The following CRTAC1 variants were observed in gnomAD, a reference collection of about 807,000 sequenced individuals.
CRTAC1 encodes the protein cartilage acidic protein 1.
CRTAC1 carries 37 observed loss-of-function variants against 67.8 expected under a neutral mutation model. The ratio of observed to expected loss-of-function variants is 0.55; its 90% CI spans 0.42 to 0.72. The LOEUF is 0.72. CRTAC1 is among the 30% of genes least tolerant of loss of function. The pLI is 0.00. For missense variants in CRTAC1, 780 were observed against 931.6 expected (o/e 0.84, Z 2.12); for synonymous variants, 348 against 371.0 (o/e 0.94, Z 0.71).
chr10:97,930,213 C>T (rs2050983701), intron 3 of CRTAC1, among the ~76,000 whole-genome samples: 2 of 152,226 alleles, frequency 1.3e-5, no homozygotes, highest in South Asian at 4.1e-4. Context: ...ATCCCCCTCT[C>T]ATGTTATTAA....
At chr10:97,889,133 G>A (rs1402639793) in intron 11 of CRTAC1, among the ~76,000 whole-genome samples, 1 of 150,762 alleles carries the variant, frequency 6.6e-6, no homozygotes, top group African/African-American at 2.4e-5. Flanking sequence ...GGAGGGAAGG[G>A]GGGGAGGGGG....
intron 4 of CRTAC1, among the ~76,000 whole-genome samples, chr10:97,919,495 AG>A (rs1326977607): frequency 6.6e-6 from 1 of 152,302 alleles, no homozygotes; most frequent in East Asian, 1.9e-4. Flanking sequence ...AAGCTGGAGA[AG>A]GTGGTAAATT....
chr10:97,998,883 G>A (rs1415166313), intron 2 of CRTAC1, among the ~76,000 whole-genome samples: 1 of 152,160 alleles, frequency 6.6e-6, no homozygotes, highest in Admixed American at 6.5e-5. Context: ...ATAGAAGGGG[G>A]TTAAGATAAT....
At chr10:97,896,168 G>A (rs1234827662) in intron 9 of CRTAC1, among the ~76,000 whole-genome samples, 183 bp from the exon 10 acceptor site, 4 of 152,160 alleles carry the variant, frequency 2.6e-5, no homozygotes, top group Non-Finnish European at 5.9e-5. Context: ...CCTCATGATA[G>A]GACTCACGGG....
chr10:97,872,398 T>G (rs1210321290), intron 14 of CRTAC1, among the ~76,000 whole-genome samples: 1 of 152,162 alleles, frequency 6.6e-6, no homozygotes, highest in Non-Finnish European at 1.5e-5. Flanking sequence ...GCAGCAGCTC[T>G]CAGTGATGTT....
intron 11 of CRTAC1, among the ~76,000 whole-genome samples, chr10:97,891,980 C>T (rs1379644049): frequency 1.3e-5 from 2 of 152,212 alleles, no homozygotes; most frequent in African/African-American, 2.4e-5. Context: ...GAGGAGTCTG[C>T]CGGGAGGCCC....
At chr10:97,887,595 T>C (rs1242292530) in intron 11 of CRTAC1, among the ~76,000 whole-genome samples, 1 of 152,180 alleles carries the variant, frequency 6.6e-6, no homozygotes, top group African/African-American at 2.4e-5. Flanking sequence ...CCAGACGTGG[T>C]GCAGGGGGCC....
intron 3 of CRTAC1, among the ~76,000 whole-genome samples, chr10:97,926,854 C>T (rs1413398124): frequency 6.6e-6 from 1 of 152,206 alleles, no homozygotes; most frequent in Admixed American, 6.5e-5. Context: ...GCTATTGCTT[C>T]CAGATGCCTG....
intron 2 of CRTAC1, among the ~76,000 whole-genome samples, chr10:98,003,625 C>A (rs1053549750): frequency 6.6e-6 from 1 of 152,204 alleles, no homozygotes; most frequent in Non-Finnish European, 1.5e-5. Context: ...CCAGAATATT[C>A]TCCCCATTCC....
At chr10:97,898,030 G>A (rs1305771770) in intron 8 of CRTAC1, among the ~76,000 whole-genome samples, 2 of 152,226 alleles carry the variant, frequency 1.3e-5, no homozygotes, top group Admixed American at 6.5e-5. Context: ...TGGTGTGCAT[G>A]AGTGTGATGC....
chr10:98,000,950 C>A (rs978570821), intron 2 of CRTAC1, among the ~76,000 whole-genome samples: 8 of 152,116 alleles, frequency 5.3e-5, no homozygotes, highest in Admixed American at 5.2e-4. Context: ...AAGAAACACA[C>A]ATAAAACATA....
At chr10:97,991,992 A>G (rs946277006) in intron 2 of CRTAC1, among the ~76,000 whole-genome samples, 2 of 152,202 alleles carry the variant, frequency 1.3e-5, no homozygotes, top group Admixed American at 1.3e-4. Flanking sequence ...AATGTTTTGC[A>G]TGTGGGGATG....
intron 2 of CRTAC1, among the ~76,000 whole-genome samples, chr10:97,958,269 G>A (rs529722835): frequency 1.3e-5 from 2 of 152,324 alleles, no homozygotes; most frequent in South Asian, 4.1e-4. Context: ...CAGGCTGGGG[G>A]AGAGGGTGGG....
intron 2 of CRTAC1, among the ~76,000 whole-genome samples, chr10:97,966,128 G>C (rs1033632548): frequency 1.8e-4 from 27 of 152,238 alleles, no homozygotes; most frequent in African/African-American, 6.5e-4. Context: ...ACCCAGGCTT[G>C]AGTGCAGTGG....
chr10:98,007,733 A>G (rs192422754), intron 2 of CRTAC1, among the ~76,000 whole-genome samples: 44 of 152,320 alleles, frequency 2.9e-4, no homozygotes, highest in African/African-American at 9.9e-4. Flanking sequence ...TTGTTTCCGG[A>G]GGATGACTCC....
intron 2 of CRTAC1, among the ~76,000 whole-genome samples, chr10:98,001,549 T>TA (rs201280884): frequency 0.11 from 16,557 of 146,676 alleles, 930 homozygotes; most frequent in South Asian, 0.15. Context: ...TATTAAAATG[T>TA]AAAAAAAAAA....
At chr10:98,024,575 C>T (rs1400122811) in intron 1 of CRTAC1, among the ~76,000 whole-genome samples, 1 of 152,024 alleles carries the variant, frequency 6.6e-6, no homozygotes, top group Non-Finnish European at 1.5e-5. Context: ...ATTTCCTGGG[C>T]TGGAACCAAC....
chr10:97,899,104 G>A (rs567676468), intron 8 of CRTAC1, among the ~76,000 whole-genome samples: 3 of 152,300 alleles, frequency 2.0e-5, no homozygotes, highest in South Asian at 4.1e-4. Flanking sequence ...TCAGTGACAG[G>A]TGAAAAGCCC....
intron 2 of CRTAC1, among the ~76,000 whole-genome samples, chr10:97,997,916 A>C (rs1168433677): frequency 6.6e-6 from 1 of 152,136 alleles, no homozygotes; most frequent in Non-Finnish European, 1.5e-5. Flanking sequence ...AGAATGAGAA[A>C]ACCTCACATG....
Sources: gnomAD v4.1 joint callset for allele counts (sites outside exome capture counted in the v4.1 genomes callset) on GRCh38, gnomAD v4.1.1 for gene constraint, MANE v1.5 for transcripts, NCBI Gene and HGNC (gene_info 2026-07-23, HGNC 2026-07-21) for gene names.